The following ADAMTS19 variants were observed in gnomAD, a reference collection of about 807,000 sequenced individuals.
ADAMTS19 encodes the protein A disintegrin and metalloproteinase with thrombospondin motifs 19.
ADAMTS19 carries 93 observed loss-of-function variants against 153.3 expected under a neutral mutation model. That is an observed-to-expected ratio of 0.61 (90% CI 0.51 to 0.72). The LOEUF (loss-of-function observed/expected upper bound fraction) is 0.72. Among genes scored for constraint, ADAMTS19 ranks in the 30% least tolerant of loss-of-function variants. The pLI is 0.00. For synonymous variants in ADAMTS19, 600 were observed against 556.6 expected, an observed-to-expected ratio of 1.08 and a Z score of -1.10; for missense variants, 1,482 against 1,552.1, an observed-to-expected ratio of 0.95 and a Z score of 0.76.
chr5:129,637,244 A>G (rs1752570422), intron 10 of ADAMTS19, among the ~76,000 whole-genome samples: 1 of 152,200 alleles, frequency 6.6e-6, no homozygotes, highest in Non-Finnish European at 1.5e-5. Flanking sequence ...ATTGCATCAC[A>G]TATTTTGTAT....
Position 129,648,944 on chromosome 5 carries a change from T to C in ADAMTS19, c.2150T>C (p.Leu717Pro). 2 of 1,609,466 alleles carry C rather than the reference T, an allele frequency of 1.2e-6. No individual in the cohort carries two copies. Among genetic ancestry groups the C allele is most frequent in the South Asian group, 1.1e-5 (1 of 90,390 alleles). The change falls in exon 13 of 23, where the codon CTT becomes CCT. Residue 717 changes from leucine (L) to proline (P), a missense_variant. By Grantham distance (98) the Leu-to-Pro change is moderately conservative. Transcript: ENST00000274487. ...AGAACTTCCTCCCCAAAGCATATAC[T>C]TCAGTGGCAAGCTGTCCTGGATGAA... ...SVRTSSPKHILQWQAVLDEEK... is the reference protein window; with the variant it reads ...SVRTSSPKHIPQWQAVLDEEK...
At position 129,701,581 on chromosome 5, in the gene ADAMTS19, G is replaced by T; in HGVS notation, c.3148G>T (p.Val1050Leu). ...CTGCATGACCGTGTGGGAGGCGGGAGTGTGGTCTGAGGTGCATACATGCCC... is the reference window on the plus strand; with the variant it reads ...CTGCATGACCGTGTGGGAGGCGGGATTGTGGTCTGAGGTGCATACATGCCC... ...QDCMTVWEAG[V>L]WSECSVKCGK... The change falls in exon 20 of 23, where the codon GTG (valine) becomes TTG (leucine). Residue 1050 changes from valine (V) to leucine (L), a missense_variant. Coordinates refer to ENST00000274487, the MANE Select transcript of ADAMTS19 (RefSeq NM_133638.6). The T allele has an allele frequency of 6.2e-7, 1 of 1,614,200 alleles. No individual in the cohort carries two copies. Among genetic ancestry groups the T allele is most frequent in the Middle Eastern group, 1.6e-4 (1 of 6,062 alleles).
At chr5:129,614,269 CA>C (rs1751390490) in intron 8 of ADAMTS19, among the ~76,000 whole-genome samples, 2 of 152,056 alleles carry the variant, frequency 1.3e-5, no homozygotes, top group South Asian at 4.1e-4. Flanking sequence ...TGATGAACAT[CA>C]GAGCAAAAAT....
At chr5:129,578,344 G>A (rs1749299368) in intron 7 of ADAMTS19, among the ~76,000 whole-genome samples, 1 of 47,720 alleles carries the variant, frequency 2.1e-5, no homozygotes, top group Non-Finnish European at 3.8e-5. Flanking sequence ...GTACGTATAC[G>A]TACATATACC....
At chr5:129,538,121 AAAG>A (rs1313854224) in intron 6 of ADAMTS19, among the ~76,000 whole-genome samples, 6 of 152,066 alleles carry the variant, frequency 3.9e-5, no homozygotes, top group African/African-American at 1.2e-4. Context: ...TTCTGAGACT[AAAG>A]AAGACGATAA....
At chr5:129,702,941 A>ATAT (rs1554108030) in intron 20 of ADAMTS19, among the ~76,000 whole-genome samples, 18 of 29,304 alleles carry the variant, frequency 6.1e-4, no homozygotes, top group African/African-American at 7.7e-4. Flanking sequence ...AAAAAAAAAA[A>ATAT]ATATATATAT....
chr5:129,710,608 G>A (rs1756404996), intron 21 of ADAMTS19, among the ~76,000 whole-genome samples: 1 of 152,182 alleles, frequency 6.6e-6, no homozygotes, highest in Non-Finnish European at 1.5e-5. Context: ...TGCTGGCAAG[G>A]CTGTGGAGAA....
chr5:129,719,946 G>C (rs1371235921), intron 21 of ADAMTS19, among the ~76,000 whole-genome samples: 2 of 151,886 alleles, frequency 1.3e-5, no homozygotes, highest in African/African-American at 4.8e-5. Flanking sequence ...AGGCTGAAGC[G>C]GGAGAATCAC....
chr5:129,584,739 C>T (rs540782348), intron 7 of ADAMTS19, among the ~76,000 whole-genome samples: 4 of 152,128 alleles, frequency 2.6e-5, no homozygotes, highest in Non-Finnish European at 4.4e-5. Flanking sequence ...ATGGTGGATG[C>T]CCCTCCCTCC....
chr5:129,523,701 A>G (rs1345705503), intron 3 of ADAMTS19, among the ~76,000 whole-genome samples: 1 of 152,118 alleles, frequency 6.6e-6, no homozygotes, highest in Non-Finnish European at 1.5e-5. Flanking sequence ...GAACATAACC[A>G]ATAACTACCA....
At chr5:129,468,534 A>G (rs1257555297) in intron 2 of ADAMTS19, among the ~76,000 whole-genome samples, 1 of 151,728 alleles carries the variant, frequency 6.6e-6, no homozygotes, top group Non-Finnish European at 1.5e-5. Context: ...TTGTATTTTT[A>G]GTAGAGACGG....
intron 14 of ADAMTS19, among the ~76,000 whole-genome samples, chr5:129,656,481 A>G (rs192699817): frequency 2.6e-5 from 4 of 152,268 alleles, no homozygotes; most frequent in Admixed American, 6.5e-5. Context: ...CTGGTGACCC[A>G]TTTTGGTTCT....
At chr5:129,496,265 CATA>C (rs752135245) in intron 2 of ADAMTS19, among the ~76,000 whole-genome samples, 1 of 152,004 alleles carries the variant, frequency 6.6e-6, no homozygotes, top group South Asian at 2.1e-4. Context: ...ACATGAAATC[CATA>C]ATAAGTAAAT....
intron 15 of ADAMTS19, among the ~76,000 whole-genome samples, chr5:129,659,508 A>C (rs1431151990): frequency 6.6e-6 from 1 of 152,200 alleles, no homozygotes; most frequent in Non-Finnish European, 1.5e-5. Flanking sequence ...TTACCTGGGC[A>C]TGTGTCTTGC....
chr5:129,661,131 T>A (rs1418727600), intron 15 of ADAMTS19, among the ~76,000 whole-genome samples: 1 of 152,216 alleles, frequency 6.6e-6, no homozygotes, highest in African/African-American at 2.4e-5. Context: ...CTAATGACTA[T>A]TTTAGTGATG....
At chr5:129,643,502 G>T (rs1164008288) in intron 11 of ADAMTS19, among the ~76,000 whole-genome samples, 1 of 151,948 alleles carries the variant, frequency 6.6e-6, no homozygotes. Flanking sequence ...AGAGGGATGG[G>T]TGAATATAAC....
intron 21 of ADAMTS19, among the ~76,000 whole-genome samples, chr5:129,726,895 C>T (rs1481656028): frequency 6.6e-6 from 1 of 151,974 alleles, no homozygotes; most frequent in Non-Finnish European, 1.5e-5. Context: ...TACTTTCCTC[C>T]TTTATTTTTT....
intron 8 of ADAMTS19, among the ~76,000 whole-genome samples, chr5:129,597,746 A>G (rs1458158677): frequency 6.6e-6 from 1 of 151,994 alleles, no homozygotes; most frequent in African/African-American, 2.4e-5. Flanking sequence ...TACTAAAAAT[A>G]CAGAAATTAG....
intron 11 of ADAMTS19, 120 bp downstream of exon 11, chr5:129,642,080 T>C (rs1752815058): frequency 2.2e-6 from 1 of 453,678 alleles, no homozygotes; most frequent in African/African-American, 2.0e-5. Context: ...TAACAGTATA[T>C]ACAAAAATAT....
Sources: allele counts gnomAD v4.1 joint callset (sites outside exome capture counted in the v4.1 genomes callset), GRCh38; gene constraint gnomAD v4.1.1; transcripts MANE v1.5; gene names NCBI Gene and HGNC (gene_info 2026-07-23, HGNC 2026-07-21).